SLIT3: variants seen among roughly 807,000 people sequenced by gnomAD.
SLIT3 encodes slit homolog 3 protein.
In SLIT3, 68 loss-of-function variants were observed where a neutral mutation model predicts 184.0. The observed-to-expected ratio is 0.37, with a 90% CI of 0.30 to 0.45. The LOEUF is 0.45. SLIT3 is among the 20% of genes least tolerant of loss of function. The pLI is 1.00. For missense variants in SLIT3, 1,707 were observed against 2,026.0 expected (o/e 0.84, Z 3.02); for synonymous variants, 831 against 828.6 (o/e 1.00, Z -0.05).
At chr5:168,917,664 C>A (rs1418224001) in intron 4 of SLIT3, among the ~76,000 whole-genome samples, 1 of 152,134 alleles carries the variant, frequency 6.6e-6, no homozygotes, top group Admixed American at 6.5e-5. Context: ...TATTTCCCAT[C>A]AAAAAACACA....
intron 4 of SLIT3, among the ~76,000 whole-genome samples, chr5:168,953,653 T>A (rs1762732532): frequency 6.6e-6 from 1 of 152,186 alleles, no homozygotes; most frequent in Non-Finnish European, 1.5e-5. Flanking sequence ...TATAGCCTGT[T>A]ACCACTGCTG....
intron 4 of SLIT3, among the ~76,000 whole-genome samples, chr5:169,095,904 A>G (rs1270223724): frequency 1.3e-5 from 2 of 152,246 alleles, no homozygotes; most frequent in African/African-American, 2.4e-5. Context: ...TTTTAATTAC[A>G]TAAGTACATG....
At chr5:168,814,241 CA>C (rs1757256608) in intron 8 of SLIT3, among the ~76,000 whole-genome samples, 1 of 152,034 alleles carries the variant, frequency 6.6e-6, no homozygotes, top group Non-Finnish European at 1.5e-5. Context: ...ACTAAAAATA[CA>C]AAAAATTAGC....
In SLIT3 at chr5:168,692,659, G is replaced by C. The variant is rs1177816798; in HGVS notation, c.3124C>G (p.Leu1042Val). 8 of 1,614,016 alleles carry C rather than the reference G, an allele frequency of 5.0e-6. No individual in the cohort carries two copies. The Admixed American group carries it at 1.2e-4, about 24-fold the overall frequency. ...TTGGCCTCATGCTGACAGAGGTTCA[G>C]CTCAGGCACACAGTGGTCAATCACC... ...DEVIDHCVPE[L>V]NLCQHEAKCI... The change falls in exon 29 of 36, where the codon CTG becomes GTG. Residue 1042 changes from leucine to valine, a missense_variant. This residue lies in a region of SLIT3 where 1,307 missense variants were observed against 1,511.6 expected (regional missense o/e 0.86). Coordinates refer to ENST00000519560, the MANE Select transcript of SLIT3 (RefSeq NM_003062.4).
intron 4 of SLIT3, among the ~76,000 whole-genome samples, chr5:169,085,506 C>T (rs1354256150): frequency 6.6e-6 from 1 of 152,204 alleles, no homozygotes; most frequent in Non-Finnish European, 1.5e-5. Flanking sequence ...AGATAAACTG[C>T]AAAACTTAAG....
At chr5:168,826,282 G>T (rs1167394235) in intron 6 of SLIT3, among the ~76,000 whole-genome samples, 1 of 152,186 alleles carries the variant, frequency 6.6e-6, no homozygotes, top group Admixed American at 6.5e-5. Context: ...TTCATGATTT[G>T]CTGCTTGGGG....
intron 3 of SLIT3, among the ~76,000 whole-genome samples, chr5:169,198,886 C>G (rs993003047): frequency 2.0e-5 from 3 of 151,772 alleles, no homozygotes; most frequent in Non-Finnish European, 4.4e-5. Context: ...GAGCTGAGAT[C>G]ACACCACTGC....
At chr5:168,879,654 G>A (rs1759878059) in intron 5 of SLIT3, among the ~76,000 whole-genome samples, 1 of 152,182 alleles carries the variant, frequency 6.6e-6, no homozygotes. Context: ...CAGAGACATA[G>A]CGTGGCTTTA....
chr5:169,002,623 C>A (rs893204771), intron 4 of SLIT3, among the ~76,000 whole-genome samples: 3 of 152,098 alleles, frequency 2.0e-5, no homozygotes, highest in African/African-American at 7.2e-5. Context: ...GTGCAGGCAA[C>A]CAGTGGAAGA....
intron 4 of SLIT3, among the ~76,000 whole-genome samples, chr5:169,036,788 A>G (rs1478665781): frequency 6.6e-6 from 1 of 152,236 alleles, no homozygotes; most frequent in Non-Finnish European, 1.5e-5. Context: ...CTAGATGTCA[A>G]AATGAATGCA....
intron 5 of SLIT3, among the ~76,000 whole-genome samples, chr5:168,878,051 T>C (rs1759802573): frequency 6.6e-6 from 1 of 152,208 alleles, no homozygotes; most frequent in Admixed American, 6.5e-5. Context: ...GCACAGTTTC[T>C]GCATACAGTA....
intron 6 of SLIT3, among the ~76,000 whole-genome samples, chr5:168,828,266 T>A (rs1321493061): frequency 6.6e-6 from 1 of 152,144 alleles, no homozygotes; most frequent in Non-Finnish European, 1.5e-5. Flanking sequence ...GGGAAGGCCC[T>A]GCTCAAGAGA....
chr5:169,222,774 TG>T (rs1417936441), intron 3 of SLIT3, among the ~76,000 whole-genome samples: 2 of 152,242 alleles, frequency 1.3e-5, no homozygotes, highest in Non-Finnish European at 2.9e-5. Flanking sequence ...CATGCAGTGT[TG>T]GTATATGCAG....
intron 4 of SLIT3, among the ~76,000 whole-genome samples, chr5:169,144,997 T>C (rs1761880593): frequency 6.6e-6 from 1 of 152,196 alleles, no homozygotes; most frequent in Admixed American, 6.5e-5. Context: ...CACCTTATAA[T>C]TACCGCCGTT....
intron 5 of SLIT3, among the ~76,000 whole-genome samples, chr5:168,850,638 T>G (rs1381521805): frequency 2.0e-5 from 3 of 152,262 alleles, no homozygotes; most frequent in Non-Finnish European, 4.4e-5. Flanking sequence ...AGCTCTCTGA[T>G]CGGAATAGCC....
At chr5:168,787,029 A>G (rs777964891) in intron 11 of SLIT3, among the ~76,000 whole-genome samples, 2 of 152,314 alleles carry the variant, frequency 1.3e-5, no homozygotes, top group Non-Finnish European at 2.9e-5. Context: ...GGATGCGGAA[A>G]TGGTAAATGG....
intron 5 of SLIT3, among the ~76,000 whole-genome samples, chr5:168,866,009 T>C (rs1334722676): frequency 6.6e-6 from 1 of 152,246 alleles, no homozygotes; most frequent in Non-Finnish European, 1.5e-5. Context: ...TACCCAACTA[T>C]GGTAGAGTAA....
At chr5:168,956,235 C>A (rs1762820134) in intron 4 of SLIT3, among the ~76,000 whole-genome samples, 1 of 152,114 alleles carries the variant, frequency 6.6e-6, no homozygotes, top group Non-Finnish European at 1.5e-5. Flanking sequence ...AACATTAGAA[C>A]AAAAGTCATC....
chr5:168,810,547 G>A (rs1757126327), intron 8 of SLIT3, among the ~76,000 whole-genome samples: 1 of 152,224 alleles, frequency 6.6e-6, no homozygotes. Flanking sequence ...CTCTGCTGGG[G>A]TGGATTTCTT....
Sources: gnomAD v4.1 joint callset for allele counts (sites outside exome capture counted in the v4.1 genomes callset) on GRCh38, gnomAD v4.1.1 for gene constraint, gnomAD v4.1.1 regional missense constraint, MANE v1.5 for transcripts, NCBI Gene and HGNC (gene_info 2026-07-23, HGNC 2026-07-21) for gene names.